The following GRID2 variants were observed in gnomAD, a reference collection of about 807,000 sequenced individuals.
GRID2 encodes glutamate receptor ionotropic, delta-2.
A neutral mutation model predicts 114.8 loss-of-function variants in GRID2; 33 were observed. That is an observed-to-expected ratio of 0.29 (90% CI 0.22 to 0.38). GRID2 has a LOEUF of 0.38. Among genes scored for constraint, GRID2 ranks in the 10% least tolerant of loss-of-function variants. The pLI is 1.00. For synonymous variants in GRID2, 505 were observed against 449.9 expected, an observed-to-expected ratio of 1.12 and a Z score of -1.55; for missense variants, 1,184 against 1,257.7, an observed-to-expected ratio of 0.94 and a Z score of 0.89.
At chr4:92,863,037 A>G (rs1347347229) in intron 2 of GRID2, among the ~76,000 whole-genome samples, 2 of 152,088 alleles carry the variant, frequency 1.3e-5, no homozygotes, top group Non-Finnish European at 2.9e-5. Context: ...GATTAATGCT[A>G]AATAACTTTC....
At chr4:92,578,872 C>G (rs1374469976) in intron 1 of GRID2, among the ~76,000 whole-genome samples, 1 of 152,084 alleles carries the variant, frequency 6.6e-6, no homozygotes, top group Non-Finnish European at 1.5e-5. Flanking sequence ...TCACAATTTT[C>G]AAAACACTGA....
chr4:92,322,160 C>T (rs889229354), intron 1 of GRID2, among the ~76,000 whole-genome samples: 1 of 152,098 alleles, frequency 6.6e-6, no homozygotes, highest in Non-Finnish European at 1.5e-5. Flanking sequence ...GGCTTTTCTA[C>T]AACATATAAA....
chr4:93,372,993 C>T (rs1161874005), intron 8 of GRID2, among the ~76,000 whole-genome samples: 3 of 152,040 alleles, frequency 2.0e-5, no homozygotes, highest in Admixed American at 6.6e-5. Flanking sequence ...CCATCATGTT[C>T]CTTTTTAAGC....
chr4:93,001,777 A>G (rs1055737376), intron 2 of GRID2, among the ~76,000 whole-genome samples: 12 of 151,766 alleles, frequency 7.9e-5, no homozygotes, highest in African/African-American at 2.7e-4. Context: ...AACTATTACT[A>G]GTCTCAATGC....
intron 14 of GRID2, among the ~76,000 whole-genome samples, chr4:93,713,172 C>T (rs1409131688): frequency 2.0e-5 from 3 of 152,080 alleles, no homozygotes; most frequent in East Asian, 3.8e-4. Flanking sequence ...CAAGGTATTA[C>T]TTCTTTAAAG....
At chr4:93,507,639 G>A (rs895427315) in intron 12 of GRID2, among the ~76,000 whole-genome samples, 2 of 152,088 alleles carry the variant, frequency 1.3e-5, no homozygotes, top group African/African-American at 4.8e-5. Context: ...ATATTTCAGT[G>A]AAAAAATCAC....
chr4:93,307,950 T>TA lies in GRID2; in HGVS notation c.1245+69465dup, dbSNP rs1368704121. 4.0e-5 allele frequency among the ~76,000 whole-genome samples: 6 copies of TA among 150,446 alleles called. No homozygotes were observed. The East Asian group carries it at 1.2e-3, about 29-fold the overall frequency. ...TTAATTTCTTTCTGATTTTTTTTTT[T>TA]AAAAACTTTTATTACCAGAGGCCTG... On this transcript the variant is annotated intron_variant, in intron 8 of 15. Transcript: ENST00000282020.
At chr4:92,546,594 G>A (rs1245072594) in intron 1 of GRID2, among the ~76,000 whole-genome samples, 3 of 152,160 alleles carry the variant, frequency 2.0e-5, no homozygotes, top group Non-Finnish European at 2.9e-5. Context: ...ACATGTGCAC[G>A]TAGTTGTGTT....
chr4:93,019,792 C>T (rs1438535099), intron 2 of GRID2, among the ~76,000 whole-genome samples: 4 of 151,900 alleles, frequency 2.6e-5, no homozygotes, highest in Non-Finnish European at 4.4e-5. Context: ...ACTTGGTCAT[C>T]GTTTTAAGAG....
chr4:93,547,802 T>C (rs745354561), intron 13 of GRID2, among the ~76,000 whole-genome samples: 35 of 152,164 alleles, frequency 2.3e-4, no homozygotes, highest in Non-Finnish European at 3.7e-4. Context: ...GCAGCTATAG[T>C]AGAACTGTCT....
intron 12 of GRID2, among the ~76,000 whole-genome samples, chr4:93,509,019 A>T (rs1000476257): frequency 3.9e-5 from 6 of 152,200 alleles, no homozygotes; most frequent in African/African-American, 1.4e-4. Context: ...TGAGAATGGA[A>T]ATAGAAAAGG....
At chr4:93,671,099 T>A (rs1724370526) in intron 14 of GRID2, among the ~76,000 whole-genome samples, 1 of 152,096 alleles carries the variant, frequency 6.6e-6, no homozygotes, top group South Asian at 2.1e-4. Flanking sequence ...TTTGAAACTG[T>A]CCTATTTTAA....
chr4:93,544,423 C>A (rs746775004), intron 13 of GRID2, among the ~76,000 whole-genome samples: 3 of 152,030 alleles, frequency 2.0e-5, no homozygotes, highest in African/African-American at 7.2e-5. Context: ...AACAGATATG[C>A]TCTGCCAGCC....
chr4:93,020,947 G>A (rs1046416250), intron 2 of GRID2, among the ~76,000 whole-genome samples: 5 of 151,564 alleles, frequency 3.3e-5, no homozygotes, highest in Non-Finnish European at 5.9e-5. Flanking sequence ...CAGGAGAATC[G>A]CTTGCACTGC....
chr4:92,444,157 T>C (rs1381942270), intron 1 of GRID2, among the ~76,000 whole-genome samples: 1 of 152,174 alleles, frequency 6.6e-6, no homozygotes. Flanking sequence ...GGACAGGGGA[T>C]TGATCTCCCA....
At chr4:92,484,530 A>T (rs1395838526) in intron 1 of GRID2, among the ~76,000 whole-genome samples, 1 of 152,150 alleles carries the variant, frequency 6.6e-6, no homozygotes, top group Non-Finnish European at 1.5e-5. Context: ...ATTCTAAATG[A>T]TGATGGTTTA....
intron 1 of GRID2, among the ~76,000 whole-genome samples, chr4:92,509,147 G>T (rs550601116): frequency 2.0e-5 from 3 of 151,788 alleles, no homozygotes; most frequent in South Asian, 2.1e-4. Flanking sequence ...TAAAAGAGGA[G>T]TCAAGAATAA....
chr4:93,199,775 C>A (rs1279791943), intron 4 of GRID2, among the ~76,000 whole-genome samples: 3 of 152,152 alleles, frequency 2.0e-5, no homozygotes, highest in Non-Finnish European at 4.4e-5. Flanking sequence ...ATTACTAATG[C>A]CATCTGCTGG....
intron 1 of GRID2, among the ~76,000 whole-genome samples, chr4:92,399,675 A>C (rs1202659063): frequency 2.0e-5 from 3 of 151,302 alleles, no homozygotes; most frequent in African/African-American, 7.3e-5. Flanking sequence ...CTATATATAT[A>C]TATATATATA....
Sources: gnomAD v4.1 joint callset for allele counts (sites outside exome capture counted in the v4.1 genomes callset) on GRCh38, gnomAD v4.1.1 for gene constraint, MANE v1.5 for transcripts, NCBI Gene and HGNC (gene_info 2026-07-23, HGNC 2026-07-21) for gene names.